CNKSR3: variants seen among roughly 807,000 people sequenced by gnomAD.
The protein encoded by CNKSR3 is CNKSR family member 3.
A neutral mutation model predicts 67.7 loss-of-function variants in CNKSR3; 36 were observed. The observed-to-expected ratio is 0.53, with a 90% confidence interval of 0.41 to 0.70. The LOEUF is 0.70. Ranked by LOEUF, CNKSR3 falls within the 30% of genes least tolerant of loss-of-function variation. CNKSR3 has a pLI of 0.00. For synonymous variants in CNKSR3, 281 were observed against 271.4 expected (o/e 1.04, Z -0.35); for missense variants, 630 against 695.2 (o/e 0.91, Z 1.05).
chr6:154,415,090 T>A (rs1273813840), intron 9 of CNKSR3, among the ~76,000 whole-genome samples: 2 of 107,970 alleles, frequency 1.9e-5, no homozygotes, highest in Non-Finnish European at 1.7e-5. Context: ...AGAGTGAGAC[T>A]CTGTCTCAAA....
intron 4 of CNKSR3, among the ~76,000 whole-genome samples, chr6:154,437,402 C>T (rs1415410458): frequency 1.4e-5 from 2 of 142,058 alleles, no homozygotes; most frequent in Non-Finnish European, 3.0e-5. Flanking sequence ...TGGCAAAGCA[C>T]CTATGTTCTT....
chr6:154,408,509 A>G (rs1223161206), intron 12 of CNKSR3, among the ~76,000 whole-genome samples: 5 of 152,346 alleles, frequency 3.3e-5, no homozygotes, highest in African/African-American at 1.2e-4. Flanking sequence ...AAAGGGGAAC[A>G]GTCACATTGA....
At chr6:154,439,330 T>C (rs796169132) in intron 4 of CNKSR3, among the ~76,000 whole-genome samples, 2 of 152,304 alleles carry the variant, frequency 1.3e-5, no homozygotes, top group African/African-American at 4.8e-5. Context: ...AATAAAAATG[T>C]ATTGAAAGAA....
rs1784570447 is a variant in CNKSR3 at position 154,388,261 on chromosome 6, A to T, written c.*18093T>A. ...TATCCCACATAAATTGAATCCTGCC[A>T]TATTAGTCTTTCTGTTAATAGTTTA... On this transcript the variant is annotated 3_prime_UTR_variant, in exon 13 of 13. Transcript: ENST00000607772. The T allele has an allele frequency of 6.6e-6, 1 of 152,218 alleles. No individual in the cohort carries two copies. Among genetic ancestry groups the T allele is most frequent in the Non-Finnish European group, 1.5e-5 (1 of 68,036 alleles). 9.4% of individuals were successfully genotyped at this position (152,218 alleles called of 1,614,324 possible). A position where few individuals can be genotyped will look rare whatever the true frequency, so the allele number is the denominator to read the frequency against.
At chr6:154,445,822 AT>A in intron 2 of CNKSR3, among the ~76,000 whole-genome samples, 1 of 152,156 alleles carries the variant, frequency 6.6e-6, no homozygotes, top group Non-Finnish European at 1.5e-5. Context: ...CTAGAATAGA[AT>A]TTTTAAAAGA....
chr6:154,472,302 T>G (rs1224785140), intron 1 of CNKSR3, among the ~76,000 whole-genome samples: 4 of 152,190 alleles, frequency 2.6e-5, no homozygotes, highest in Non-Finnish European at 5.9e-5. Context: ...GCCTCCAGAT[T>G]TTAAGAATAA....
intron 4 of CNKSR3, among the ~76,000 whole-genome samples, chr6:154,439,295 G>T (rs1785534552): frequency 6.6e-6 from 1 of 152,120 alleles, no homozygotes; most frequent in African/African-American, 2.4e-5. Context: ...GGTATCCCAG[G>T]GCAGCAGACA....
rs1784970357 is a variant in CNKSR3 at position 154,414,342 on chromosome 6, C to A, written c.1027G>T (p.Asp343Tyr). The change falls in exon 10 of 13, where the codon GAT (aspartate) becomes TAT (tyrosine). Residue 343 changes from aspartate (D) to tyrosine (Y), a missense_variant. Physicochemically the swap from Asp to Tyr is radical, Grantham distance 160. Coordinates refer to ENST00000607772, the MANE Select transcript of CNKSR3 (RefSeq NM_173515.4). ...SLKKEKSAIL[D>Y]LYIPPPPAVP... ...GCAGGCGGAGGAGGAATATAAAGAT[C>A]CAGGATGGCTGACTTCTCCTTCTTC... 2 of 1,611,614 alleles carry A rather than the reference C, an allele frequency of 1.2e-6. No homozygotes were observed. The highest frequency in any genetic ancestry group is 1.7e-5 in the Admixed American group (1 of 59,512).
At chr6:154,442,062 C>A in intron 3 of CNKSR3, 26 bp downstream of exon 3, 1 of 1,570,106 alleles carries the variant, frequency 6.4e-7, no homozygotes, top group Non-Finnish European at 8.7e-7. Context: ...TCTTGCAGGG[C>A]AGTAAAAGGC....
chr6:154,458,621 C>G (rs988866897), intron 1 of CNKSR3, among the ~76,000 whole-genome samples: 1 of 152,064 alleles, frequency 6.6e-6, no homozygotes, highest in Non-Finnish European at 1.5e-5. Flanking sequence ...CCTACAGCCC[C>G]GTCCCCAGCT....
intron 2 of CNKSR3, among the ~76,000 whole-genome samples, 189 bp downstream of exon 2, chr6:154,449,906 C>T (rs1785786395): frequency 1.3e-5 from 2 of 149,760 alleles, no homozygotes; most frequent in Non-Finnish European, 1.5e-5. Flanking sequence ...ACTCGCAGGC[C>T]ATAGTTTGCC....
chr6:154,431,429 C>A (rs574795209), intron 5 of CNKSR3, among the ~76,000 whole-genome samples: 1 of 118,640 alleles, frequency 8.4e-6, no homozygotes, highest in Non-Finnish European at 1.6e-5. Flanking sequence ...GGTAACAGAG[C>A]GAGACTCTGT....
At chr6:154,507,575 T>C (rs902515655) in intron 1 of CNKSR3, among the ~76,000 whole-genome samples, 2 of 148,578 alleles carry the variant, frequency 1.3e-5, no homozygotes, top group African/African-American at 5.3e-5. Flanking sequence ...AATATTCAAG[T>C]AATGGGTCAC....
intron 1 of CNKSR3, among the ~76,000 whole-genome samples, chr6:154,506,718 A>G (rs1025471448): frequency 1.3e-5 from 2 of 152,240 alleles, no homozygotes; most frequent in Admixed American, 6.5e-5. Flanking sequence ...ATGTGCGGCT[A>G]ACCCTACACG....
chr6:154,387,626 G>A lies in CNKSR3; in HGVS notation c.*18728C>T, dbSNP rs1439400768. On this transcript the variant is annotated 3_prime_UTR_variant, in exon 13 of 13. Coordinates refer to ENST00000607772, the MANE Select transcript of CNKSR3 (RefSeq NM_173515.4). Reference sequence around the variant, plus strand: ...TGGTCCATGATAACCACAGATTGCTGCATTTGTAGCCACATGAGTCATTCA... The same window carrying A: ...TGGTCCATGATAACCACAGATTGCTACATTTGTAGCCACATGAGTCATTCA... The A allele has an allele frequency of 6.6e-6, 1 of 152,190 alleles. No homozygotes were observed. The highest frequency in any genetic ancestry group is 1.9e-4 in the East Asian group (1 of 5,204). 9.4% of individuals were successfully genotyped at this position (152,190 alleles called of 1,614,324 possible). A position where few individuals can be genotyped will look rare whatever the true frequency, so the allele number is the denominator to read the frequency against.
Position 154,510,290 on chromosome 6 carries a change from G to A in CNKSR3, c.-176C>T. 5 of 640,058 alleles carry A rather than the reference G, an allele frequency of 7.8e-6. No individual in the cohort carries two copies. Among genetic ancestry groups the A allele is most frequent in the Non-Finnish European group, 1.3e-5 (5 of 371,326 alleles). The allele number at this position is 640,058 out of a possible 1,614,324, so 39.6% of individuals were successfully genotyped here. On this transcript the variant is annotated 5_prime_UTR_variant, in exon 1 of 13. Coordinates refer to ENST00000607772, the MANE Select transcript of CNKSR3 (RefSeq NM_173515.4). ...TCGTCCCAGCGCGGCTCCGCCAGGG[G>A]AGCCCGGCCCTCTCCCTCCAGCTGC...
intron 1 of CNKSR3, among the ~76,000 whole-genome samples, chr6:154,491,098 C>T (rs1161335491): frequency 3.9e-5 from 6 of 152,128 alleles, no homozygotes; most frequent in African/African-American, 1.2e-4. Context: ...CCGCCCACCT[C>T]GGCCTCCCAA....
Position 154,410,974 on chromosome 6 carries a change from GT to G in CNKSR3, c.1238del (p.Asn413ThrfsTer7). On this transcript the variant is annotated frameshift_variant, in exon 11 of 13. Coordinates refer to ENST00000607772, the MANE Select transcript of CNKSR3 (RefSeq NM_173515.4). LOFTEE classifies it high-confidence loss of function. ...DQLPGYSVET[N>X]ILPTKMREKT... The stretch of plus-strand genomic sequence containing the variant: ...TCTCTCTCATTTTTGTGGGCAGAAT[GT>G]TGGTTTCCACCGAGTACCCAGGCAA... The G allele has an allele frequency of 6.2e-7, 1 of 1,613,698 alleles. No individual in the cohort carries two copies. The highest frequency in any genetic ancestry group is 8.5e-7 in the Non-Finnish European group (1 of 1,179,780).
intron 9 of CNKSR3, among the ~76,000 whole-genome samples, chr6:154,417,470 C>T (rs1785046900): frequency 6.6e-6 from 1 of 152,180 alleles, no homozygotes; most frequent in Admixed American, 6.5e-5. Context: ...CACCCATCAC[C>T]AGCCTTGCCC....
Sources: allele counts gnomAD v4.1 joint callset (sites outside exome capture counted in the v4.1 genomes callset), GRCh38; gene constraint gnomAD v4.1.1; transcripts MANE v1.5; gene names NCBI Gene and HGNC (gene_info 2026-07-23, HGNC 2026-07-21).